The following HS3ST5 variants were observed in gnomAD, a reference collection of about 807,000 sequenced individuals.
HS3ST5 encodes the protein heparan sulfate glucosamine 3-O-sulfotransferase 5.
In HS3ST5, 10 loss-of-function variants were observed where a neutral mutation model predicts 25.4. That is an observed-to-expected ratio of 0.39 (90% CI 0.24 to 0.67). The LOEUF (loss-of-function observed/expected upper bound fraction) is 0.67, where lower values mean the gene tolerates loss of function less well. HS3ST5 is among the 30% of genes least tolerant of loss of function. The pLI is 0.44. For synonymous variants in HS3ST5, 170 were observed against 162.4 expected, an observed-to-expected ratio of 1.05 and a Z score of -0.36; for missense variants, 324 against 420.7, an observed-to-expected ratio of 0.77 and a Z score of 2.01.
At chr6:114,238,721 G>A (rs1479394871) in intron 1 of HS3ST5, among the ~76,000 whole-genome samples, 1 of 152,120 alleles carries the variant, frequency 6.6e-6, no homozygotes, top group Non-Finnish European at 1.5e-5. Flanking sequence ...CTCATTTTGC[G>A]AGATGGATAA....
chr6:114,123,841 T>G lies in HS3ST5; in HGVS notation c.-33+44510A>C, dbSNP rs114406451. On this transcript the variant is annotated intron_variant, in intron 3 of 4. Coordinates refer to ENST00000312719, the MANE Select transcript of HS3ST5 (RefSeq NM_153612.4). ...GGTATTTGGTAACTCCAAGATAATTTTTTTTTCTTCCAAGATTTTACAACC... is the reference window on the plus strand; with the variant it reads ...GGTATTTGGTAACTCCAAGATAATTGTTTTTTCTTCCAAGATTTTACAACC... Among the ~76,000 whole-genome samples the G allele has an allele frequency of 2.4e-3, 372 of 152,368 alleles. 4 individuals are homozygous for G. The highest frequency in any genetic ancestry group is 8.5e-3 in the African/African-American group (353 of 41,594).
chr6:114,194,375 A>G (rs1780642997), intron 2 of HS3ST5, among the ~76,000 whole-genome samples: 2 of 152,154 alleles, frequency 1.3e-5, no homozygotes, highest in African/African-American at 4.8e-5. Context: ...AACTCTGGAA[A>G]CTGAGTTCCT....
At chr6:114,254,506 G>A (rs1290845027) in intron 1 of HS3ST5, among the ~76,000 whole-genome samples, 2 of 152,202 alleles carry the variant, frequency 1.3e-5, no homozygotes, top group Admixed American at 6.5e-5. Flanking sequence ...GAGAGAAATA[G>A]ATGGTGTCAA....
At chr6:114,285,848 T>C (rs1415549483) in intron 1 of HS3ST5, among the ~76,000 whole-genome samples, 1 of 152,012 alleles carries the variant, frequency 6.6e-6, no homozygotes, top group Non-Finnish European at 1.5e-5. Flanking sequence ...AAAATTATAG[T>C]ACATTTAATT....
intron 3 of HS3ST5, among the ~76,000 whole-genome samples, chr6:114,077,535 A>G (rs932084592): frequency 1.3e-5 from 2 of 152,162 alleles, no homozygotes; most frequent in African/African-American, 4.8e-5. Context: ...GGTAACAATT[A>G]TAGTTAATTA....
At chr6:114,326,813 T>C (rs893915532) in intron 1 of HS3ST5, among the ~76,000 whole-genome samples, 2 of 152,186 alleles carry the variant, frequency 1.3e-5, no homozygotes, top group Non-Finnish European at 2.9e-5. Context: ...CCTTGAATCC[T>C]GTAAACTTCT....
At chr6:114,302,975 T>A (rs192863688) in intron 1 of HS3ST5, among the ~76,000 whole-genome samples, 8 of 152,256 alleles carry the variant, frequency 5.3e-5, no homozygotes, top group Admixed American at 6.5e-5. Flanking sequence ...TGAGACTAAT[T>A]TGGCTCCTGG....
intron 2 of HS3ST5, among the ~76,000 whole-genome samples, chr6:114,189,963 C>T (rs1388374074): frequency 1.3e-5 from 2 of 152,176 alleles, no homozygotes; most frequent in Non-Finnish European, 2.9e-5. Context: ...GACCAAATTC[C>T]CCAAAGAAAA....
chr6:114,082,511 G>A (rs1774513948), intron 3 of HS3ST5, among the ~76,000 whole-genome samples: 4 of 152,162 alleles, frequency 2.6e-5, no homozygotes, highest in Admixed American at 6.5e-5. Context: ...GGGGACCAGG[G>A]AAATGTATTG....
At chr6:114,266,374 T>C (rs950513715) in intron 1 of HS3ST5, among the ~76,000 whole-genome samples, 1 of 152,166 alleles carries the variant, frequency 6.6e-6, no homozygotes, top group African/African-American at 2.4e-5. Context: ...GCAAAAAATT[T>C]AAGATAAAAT....
At chr6:114,070,728 C>A (rs1773768049) in intron 3 of HS3ST5, among the ~76,000 whole-genome samples, 1 of 152,142 alleles carries the variant, frequency 6.6e-6, no homozygotes. Flanking sequence ...CTGCCCCTCA[C>A]CCTTGCCAAA....
chr6:114,104,548 C>T (rs1008315919), intron 3 of HS3ST5, among the ~76,000 whole-genome samples: 2 of 152,168 alleles, frequency 1.3e-5, no homozygotes, highest in African/African-American at 2.4e-5. Context: ...CCTGGTACCA[C>T]GTGGACAGAG....
At chr6:114,300,449 G>A (rs1775024772) in intron 1 of HS3ST5, among the ~76,000 whole-genome samples, 1 of 152,134 alleles carries the variant, frequency 6.6e-6, no homozygotes, top group Non-Finnish European at 1.5e-5. Context: ...AAACTACAAT[G>A]AGATATCACT....
At chr6:114,315,201 A>T (rs1775697873) in intron 1 of HS3ST5, among the ~76,000 whole-genome samples, 1 of 152,196 alleles carries the variant, frequency 6.6e-6, no homozygotes, top group Non-Finnish European at 1.5e-5. Flanking sequence ...TGTAAACATG[A>T]ATGGTTAGGA....
chr6:114,195,488 T>C (rs1272302040), intron 2 of HS3ST5, among the ~76,000 whole-genome samples: 1 of 147,310 alleles, frequency 6.8e-6, no homozygotes, highest in Admixed American at 6.8e-5. Context: ...GAATGCAAAT[T>C]AAAAAAAAAA....
rs182850288 is a variant in HS3ST5, at chr6:114,090,051, C to T, written c.-32-27174G>A. Among the ~76,000 whole-genome samples, 502 of 152,222 alleles carry T rather than the reference C, an allele frequency of 3.3e-3. 4 individuals carry two copies. The South Asian group carries it at 0.035, about 11-fold the overall frequency. On this transcript the variant is annotated intron_variant, in intron 3 of 4. Transcript: ENST00000312719. ...GAACCCTGTACATGTGGCCATGAACCCTCTGCCAAAGATAAGGAAACTTTA... is the reference window on the plus strand; with the variant it reads ...GAACCCTGTACATGTGGCCATGAACTCTCTGCCAAAGATAAGGAAACTTTA...
chr6:114,264,474 TTTCATC>T (rs1300052138), intron 1 of HS3ST5, among the ~76,000 whole-genome samples: 1 of 152,210 alleles, frequency 6.6e-6, no homozygotes, highest in Non-Finnish European at 1.5e-5. Flanking sequence ...ATGTATTATA[TTTCATC>T]TTCATCTTGC....
intron 1 of HS3ST5, among the ~76,000 whole-genome samples, chr6:114,320,883 C>T (rs1775937257): frequency 6.7e-6 from 1 of 149,482 alleles, no homozygotes; most frequent in African/African-American, 2.5e-5. Flanking sequence ...AATGGCAGTA[C>T]ATAGGAAGTG....
At chr6:114,161,500 C>T (rs1439062438) in intron 3 of HS3ST5, among the ~76,000 whole-genome samples, 5 of 99,170 alleles carry the variant, frequency 5.0e-5, no homozygotes, top group Non-Finnish European at 7.7e-5. Flanking sequence ...AATTCTAAAA[C>T]GACAGTTGCT....
Sources: gnomAD v4.1 joint callset for allele counts (sites outside exome capture counted in the v4.1 genomes callset) on GRCh38, gnomAD v4.1.1 for gene constraint, MANE v1.5 for transcripts, NCBI Gene and HGNC (gene_info 2026-07-23, HGNC 2026-07-21) for gene names.